FERMT2: variants seen among roughly 807,000 people sequenced by gnomAD.
FERMT2 encodes FERM domain containing kindlin 2.
In FERMT2, 15 loss-of-function variants were observed where a neutral mutation model predicts 82.7. The ratio of observed to expected loss-of-function variants is 0.18; its 90% CI spans 0.12 to 0.28. The LOEUF (loss-of-function observed/expected upper bound fraction) is 0.28. Ranked by LOEUF, FERMT2 falls within the 10% of genes least tolerant of loss-of-function variation. FERMT2 has a pLI of 1.00. For missense variants in FERMT2, 645 were observed against 809.4 expected (o/e 0.80, Z 2.46); for synonymous variants, 274 against 271.5 (o/e 1.01, Z -0.09).
chr14:52,949,761 A>C (rs1006003997), intron 2 of FERMT2, among the ~76,000 whole-genome samples: 8 of 152,236 alleles, frequency 5.3e-5, no homozygotes, highest in African/African-American at 1.7e-4. Context: ...TCTGCTTTTT[A>C]ACACAAAGTT....
intron 10 of FERMT2, among the ~76,000 whole-genome samples, chr14:52,869,843 C>T (rs1348520385): frequency 6.6e-6 from 1 of 152,108 alleles, no homozygotes. Flanking sequence ...CCCTGAAGAC[C>T]TTCCAGTGAG....
chr14:52,905,041 T>C (rs527841672), intron 3 of FERMT2, among the ~76,000 whole-genome samples: 164 of 151,598 alleles, frequency 1.1e-3, no homozygotes, highest in Middle Eastern at 6.8e-3. Flanking sequence ...AATACAAAAT[T>C]AGCTGGGTGT....
chr14:52,908,477 G>GT (rs1379188793), intron 3 of FERMT2, among the ~76,000 whole-genome samples: 1 of 152,126 alleles, frequency 6.6e-6, no homozygotes, highest in African/African-American at 2.4e-5. Context: ...GTACTACTCA[G>GT]TAATAAGATG....
intron 3 of FERMT2, among the ~76,000 whole-genome samples, chr14:52,910,419 A>AT (rs1229317707): frequency 6.6e-6 from 1 of 152,186 alleles, no homozygotes; most frequent in Non-Finnish European, 1.5e-5. Flanking sequence ...CTGTTGTCAG[A>AT]TTTTGGGAGA....
chr14:52,923,883 A>G (rs1889103953), intron 2 of FERMT2, among the ~76,000 whole-genome samples: 3 of 152,274 alleles, frequency 2.0e-5, no homozygotes, highest in South Asian at 2.1e-4. Flanking sequence ...TAAAAACAGA[A>G]AAGTAGGTGT....
At chr14:52,934,095 T>C (rs1212153711) in intron 2 of FERMT2, among the ~76,000 whole-genome samples, 1 of 152,222 alleles carries the variant, frequency 6.6e-6, no homozygotes, top group Non-Finnish European at 1.5e-5. Flanking sequence ...ATTAAGTCTT[T>C]ATCCTGTGTC....
rs1000184276 is a variant in FERMT2 at position 52,949,482 on chromosome 14, A to G, written c.157+930T>C. ...TTCCAGCCTAAAAAGACAATGCCAC[A>G]CAGATAATCATCTTATCACAACTGT... On this transcript the variant is annotated intron_variant, in intron 2 of 14. Transcript: ENST00000341590. Among the ~76,000 whole-genome samples, 7 of 151,898 alleles carry G rather than the reference A, an allele frequency of 4.6e-5. No individual in the cohort carries two copies. In the South Asian group the frequency reaches 1.0e-3, roughly 23 times the overall value.
Position 52,945,236 on chromosome 14 carries a change from TG to T in FERMT2, c.157+5175del, listed in dbSNP as rs1890280562. Among the ~76,000 whole-genome samples the T allele has an allele frequency of 1.3e-5, 2 of 149,496 alleles. 1 individual carries two copies. Among genetic ancestry groups the T allele is most frequent in the Admixed American group, 1.3e-4 (2 of 15,124 alleles). On this transcript the variant is annotated intron_variant, in intron 2 of 14. Transcript: ENST00000341590. ...AATCCTCAATTGTTCTATGTTTTTT[TG>T]TTGTTGTTTTTTTTTTGTGGGTTGG...
rs8017262 is a variant in FERMT2, at chr14:52,889,984, C to T, written c.526+3309G>A. Among the ~76,000 whole-genome samples the T allele has an allele frequency of 8.2e-3, 1,247 of 151,230 alleles. 7 individuals are homozygous for T. The highest frequency in any genetic ancestry group is 0.028 in the African/African-American group (1,151 of 41,148). ...TTTCTACTAAAAATACAAAAATTAG[C>T]CAAGTATGGTGGTGTGCGCCTATAG... On this transcript the variant is annotated intron_variant, in intron 4 of 14. Coordinates refer to ENST00000341590, the MANE Select transcript of FERMT2 (RefSeq NM_006832.3).
In FERMT2 at chr14:52,950,481, C is replaced by T. The variant is rs768926763; in HGVS notation, c.88G>A (p.Asp30Asn). 1.5e-5 allele frequency: 25 copies of T among 1,614,110 alleles called. No homozygotes were observed. The highest frequency in any genetic ancestry group is 1.9e-5 in the Non-Finnish European group (22 of 1,180,002). ...LSVHVTDLNR[D>N]VTLRVTGEVH... ...TCGCCGGTCACTCTCAGGGTGACATCGCGGTTCAGGTCCGTCACATGGACA... is the reference window on the plus strand; with the variant it reads ...TCGCCGGTCACTCTCAGGGTGACATTGCGGTTCAGGTCCGTCACATGGACA... The change falls in exon 2 of 15, where the codon GAT (aspartate) becomes AAT (asparagine). Residue 30 changes from aspartate (D) to asparagine (N), a missense_variant. Coordinates refer to ENST00000341590, the MANE Select transcript of FERMT2 (RefSeq NM_006832.3).
At position 52,864,614 on chromosome 14, in the gene FERMT2, C is replaced by A; in HGVS notation, c.1389G>T (p.Gln463His). The change falls in exon 12 of 15, where the codon CAG becomes CAT. Residue 463 changes from glutamine to histidine, a missense_variant. Transcript: ENST00000341590. ...TGCAGGCTGCCATCCAGTGTGCATA[C>A]TGTTTTTCCTGGAGAAAAGAAATAC... ...EIWLRCDNEK[Q>H]YAHWMAACRL... 2 of 1,613,876 alleles carry A rather than the reference C, an allele frequency of 1.2e-6. No individual in the cohort carries two copies. The highest frequency in any genetic ancestry group is 8.5e-7 in the Non-Finnish European group (1 of 1,179,760).
intron 9 of FERMT2, 41 bp downstream of exon 9, chr14:52,874,136 G>C (rs1885809070): frequency 7.6e-7 from 1 of 1,312,596 alleles, no homozygotes; most frequent in Non-Finnish European, 1.1e-6. Flanking sequence ...CTATAAAGCT[G>C]ACAGTTATTA....
intron 2 of FERMT2, among the ~76,000 whole-genome samples, chr14:52,922,191 A>G (rs540447178): frequency 4.6e-5 from 7 of 152,324 alleles, no homozygotes; most frequent in African/African-American, 1.7e-4. Context: ...TCAGTCCTTC[A>G]GGGCATGCCT....
In FERMT2 at chr14:52,950,263, G is replaced by A. The variant is rs1260165362; in HGVS notation, c.157+149C>T. On this transcript the variant is annotated intron_variant, in intron 2 of 14. Coordinates refer to ENST00000341590, the MANE Select transcript of FERMT2 (RefSeq NM_006832.3). ...GACGCAAAGGGGAACAGGTCTATCT[G>A]CTTAAATACTGAAAGATTTTACATC... is the stretch of plus-strand genomic sequence containing the variant. The A allele has an allele frequency of 3.9e-6, 3 of 762,382 alleles. No individual in the cohort carries two copies. The African/African-American group carries it at 5.2e-5, about 13-fold the overall frequency. The allele number at this position is 762,382 out of a possible 1,614,324, so 47.2% of individuals were successfully genotyped here. A position where few individuals can be genotyped will look rare whatever the true frequency, so the allele number is the denominator to read the frequency against.
At chr14:52,923,133 G>A (rs1889054873) in intron 2 of FERMT2, among the ~76,000 whole-genome samples, 1 of 151,864 alleles carries the variant, frequency 6.6e-6, no homozygotes, top group African/African-American at 2.4e-5. Flanking sequence ...TGGGACCACG[G>A]TTGTATAGTC....
rs202005052 is a variant in FERMT2, at chr14:52,881,073, C to T, written c.818G>A (p.Arg273Gln). The T allele has an allele frequency of 9.3e-6, 15 of 1,613,122 alleles. No homozygotes were observed. Among genetic ancestry groups the T allele is most frequent in the East Asian group, 2.2e-5 (1 of 44,842 alleles). ...DVKENEALLL[R>Q]FKYYSFFDLN... ...ATCAAAAAAGCTGTAATACTTGAAT[C>T]GGAGCAGCAAGGCCTCATTTTCCTT... Residue 273 changes from arginine (R) to glutamine (Q), a missense_variant, in exon 6 of 15, where the codon CGA becomes CAA. Physicochemically the swap from Arg to Gln is conservative, Grantham distance 43. Coordinates refer to ENST00000341590, the MANE Select transcript of FERMT2 (RefSeq NM_006832.3).
At chr14:52,946,091 G>T (rs895362305) in intron 2 of FERMT2, among the ~76,000 whole-genome samples, 2 of 152,046 alleles carry the variant, frequency 1.3e-5, no homozygotes, top group Non-Finnish European at 2.9e-5. Flanking sequence ...TGGCCAGGCT[G>T]GTCTCGAGCT....
Position 52,872,943 on chromosome 14 carries a change from A to G in FERMT2, c.1149-20T>C. ...TTTGGCCTATGTATCAAAGAGAATT[A>G]ACAACAAAATCACTTGGAAGTAACT... On this transcript the variant is annotated intron_variant, in intron 9 of 14. Coordinates refer to ENST00000341590, the MANE Select transcript of FERMT2 (RefSeq NM_006832.3). The G allele has an allele frequency of 6.2e-7, 1 of 1,609,452 alleles. No individual in the cohort carries two copies. The highest frequency in any genetic ancestry group is 8.5e-7 in the Non-Finnish European group (1 of 1,177,596).
Position 52,881,091 on chromosome 14 carries a change from T to C in FERMT2, c.800A>G (p.Asn267Ser), listed in dbSNP as rs145386627. 1.7e-5 allele frequency: 27 copies of C among 1,613,592 alleles called. No homozygotes were observed. Among genetic ancestry groups the C allele is most frequent in the Non-Finnish European group, 2.3e-5 (27 of 1,179,834 alleles). Residue 267 changes from asparagine to serine, a missense_variant, in exon 6 of 15, where the codon AAT becomes AGT. Asn to Ser is a conservative substitution (Grantham distance 46). Coordinates refer to ENST00000341590, the MANE Select transcript of FERMT2 (RefSeq NM_006832.3). ...CTTGAATCGGAGCAGCAAGGCCTCA[T>C]TTTCCTTCACATCTTGTTCCATGAG... ...RSLMEQDVKE[N>S]EALLLRFKYY...
Sources: allele counts gnomAD v4.1 joint callset (sites outside exome capture counted in the v4.1 genomes callset), GRCh38; gene constraint gnomAD v4.1.1; transcripts MANE v1.5; gene names NCBI Gene and HGNC (gene_info 2026-07-23, HGNC 2026-07-21).